Variants in KIAA1217 observed in about 807,000 individuals in gnomAD.
KIAA1217 encodes sickle tail protein homolog.
In KIAA1217, 88 loss-of-function variants were observed where a neutral mutation model predicts 163.9. The ratio of observed to expected loss-of-function variants is 0.54; its 90% CI spans 0.45 to 0.64. The LOEUF (loss-of-function observed/expected upper bound fraction) is 0.64, where lower values mean the gene tolerates loss of function less well. KIAA1217 is among the 30% of genes least tolerant of loss of function. The pLI is 0.00. For missense variants in KIAA1217, 2,372 were observed against 2,475.0 expected, an observed-to-expected ratio of 0.96 and a Z score of 0.88; for synonymous variants, 903 against 923.1, an observed-to-expected ratio of 0.98 and a Z score of 0.39.
intron 1 of KIAA1217, among the ~76,000 whole-genome samples, chr10:24,211,575 GTATTGTATTGTATTGTATTT>G (rs1417904046): frequency 7.0e-6 from 1 of 142,064 alleles, no homozygotes. Flanking sequence ...GTATTGTATT[GTATTGTATTGTATTGTATTT>G]TATTTTATTT....
chr10:24,092,816 G>A (rs1450228114), intron 2 of KIAA1217, among the ~76,000 whole-genome samples: 4 of 151,618 alleles, frequency 2.6e-5, no homozygotes, highest in African/African-American at 4.9e-5. Flanking sequence ...TTTGTATCAT[G>A]GCTGTGATGG....
chr10:23,950,390 CATTTTTTTTTT>C (rs1220763167), intron 1 of KIAA1217, among the ~76,000 whole-genome samples: 2 of 151,204 alleles, frequency 1.3e-5, no homozygotes, highest in African/African-American at 4.9e-5. Context: ...TCAATCACAT[CATTTTTTTTTT>C]ATTTTTTTCC....
chr10:24,060,939 G>T (rs2060700592), intron 2 of KIAA1217, among the ~76,000 whole-genome samples: 1 of 152,178 alleles, frequency 6.6e-6, no homozygotes, highest in African/African-American at 2.4e-5. Flanking sequence ...TTCTGTATAA[G>T]TATTTGGTTC....
At chr10:24,091,756 G>A (rs755016137) in intron 2 of KIAA1217, among the ~76,000 whole-genome samples, 15 of 151,822 alleles carry the variant, frequency 9.9e-5, no homozygotes, top group East Asian at 9.7e-4. Flanking sequence ...ATGCTTCACC[G>A]CTGCTAGGCA....
In KIAA1217 at chr10:24,156,007, T is replaced by C. The variant is rs185045881; in HGVS notation, c.-170-63619T>C. On this transcript the variant is annotated intron_variant, in intron 2 of 18. Coordinates refer to the KIAA1217 transcript ENST00000376462. ...TATTTGAAGTATAAATGCACACATT[T>C]ATACCTTTAGTAACTGCACACATTT... 3.2e-3 allele frequency among the ~76,000 whole-genome samples: 482 copies of C among 152,306 alleles called. 1 individual carries two copies. Among genetic ancestry groups the C allele is most frequent in the African/African-American group, 0.011 (451 of 41,566 alleles).
chr10:24,299,079 A>T (rs1237489341), intron 2 of KIAA1217, among the ~76,000 whole-genome samples: 1 of 152,212 alleles, frequency 6.6e-6, no homozygotes, highest in Non-Finnish European at 1.5e-5. Context: ...AAAAAATGTT[A>T]CAAATTGTAA....
chr10:24,489,758 G>C (rs1461920664), intron 6 of KIAA1217, among the ~76,000 whole-genome samples: 4 of 150,924 alleles, frequency 2.7e-5, no homozygotes, highest in African/African-American at 9.8e-5. Flanking sequence ...CAGCTACTTG[G>C]GGGGCTGAGG....
At chr10:24,505,817 G>C (rs1019614193) in intron 9 of KIAA1217, among the ~76,000 whole-genome samples, 1 of 152,092 alleles carries the variant, frequency 6.6e-6, no homozygotes, top group South Asian at 2.1e-4. Context: ...GTAGTGCATA[G>C]AGCCCTATGT....
intron 1 of KIAA1217, among the ~76,000 whole-genome samples, chr10:23,714,138 A>T (rs1310279344): frequency 6.6e-6 from 1 of 151,980 alleles, no homozygotes; most frequent in African/African-American, 2.4e-5. Context: ...ATATCCAATC[A>T]GTTGCTAAGA....
intron 2 of KIAA1217, among the ~76,000 whole-genome samples, chr10:24,036,719 C>T (rs1366483033): frequency 2.0e-5 from 3 of 152,034 alleles, no homozygotes; most frequent in East Asian, 1.9e-4. Context: ...CCAGATCTCA[C>T]GTGGACTAAT....
chr10:24,250,073 G>C (rs1041227372), intron 2 of KIAA1217, among the ~76,000 whole-genome samples: 7 of 152,178 alleles, frequency 4.6e-5, no homozygotes, highest in African/African-American at 9.7e-5. Flanking sequence ...GCTGCTGCTT[G>C]TTGGCAATAC....
At chr10:24,510,284 A>T (rs541876300) in intron 9 of KIAA1217, among the ~76,000 whole-genome samples, 1 of 152,314 alleles carries the variant, frequency 6.6e-6, no homozygotes, top group Admixed American at 6.5e-5. Context: ...TGAATTTTAA[A>T]TATTCCACCA....
At chr10:23,931,026 G>A (rs759548325) in intron 1 of KIAA1217, among the ~76,000 whole-genome samples, 9 of 152,074 alleles carry the variant, frequency 5.9e-5, no homozygotes, top group Non-Finnish European at 1.3e-4. Context: ...ATTGAATGTA[G>A]CAACAGAATA....
At chr10:24,493,767 G>C (rs767366429) in intron 6 of KIAA1217, among the ~76,000 whole-genome samples, 62 of 152,082 alleles carry the variant, frequency 4.1e-4, no homozygotes, top group Admixed American at 1.2e-3. Context: ...CAAATAAATG[G>C]GTTGTTTTGT....
intron 1 of KIAA1217, among the ~76,000 whole-genome samples, chr10:23,790,543 G>GTATATGTACATATATA: frequency 2.0e-5 from 2 of 99,580 alleles, no homozygotes; most frequent in South Asian, 2.8e-4. Context: ...ATATACATGT[G>GTATATGTACATATATA]CATATATACA....
At position 24,368,892 on chromosome 10, in the gene KIAA1217, G is replaced by A. The variant is rs117827572; in HGVS notation, c.355-11977G>A. On this transcript the variant is annotated intron_variant, in intron 2 of 20. Transcript: ENST00000376454. ...CATCTTTTATAATTTACCAATTGCT[G>A]TCCCATGCAACATTTTTCCAATTAC... is the stretch of plus-strand genomic sequence containing the variant. 9,012 of 977,736 alleles carry A rather than the reference G, an allele frequency of 9.2e-3. 54 individuals carry two copies. Among genetic ancestry groups the A allele is most frequent in the Non-Finnish European group, 9.8e-3 (8,092 of 823,142 alleles). 60.6% of individuals were successfully genotyped at this position (977,736 alleles called of 1,614,324 possible).
At position 24,492,487 on chromosome 10, in the gene KIAA1217, CAGAG is replaced by C. The variant is rs1318411934; in HGVS notation, c.1680-2009_1680-2006del. On this transcript the variant is annotated intron_variant, in intron 6 of 20. Transcript: ENST00000376454. ...ATTTCTTATTTCCATTCTATTACAG[CAGAG>C]AGACCATACTATTAATACTTAAAAT... Among the ~76,000 whole-genome samples, 3 of 152,286 alleles carry C rather than the reference CAGAG, an allele frequency of 2.0e-5. No individual in the cohort carries two copies. In the East Asian group the frequency reaches 5.8e-4, roughly 29 times the overall value.
intron 1 of KIAA1217, among the ~76,000 whole-genome samples, chr10:23,983,080 A>C (rs1444045644): frequency 3.3e-5 from 5 of 151,894 alleles, no homozygotes; most frequent in African/African-American, 4.8e-5. Flanking sequence ...TATGCATGGC[A>C]GATCAGAGGT....
intron 1 of KIAA1217, among the ~76,000 whole-genome samples, chr10:23,913,953 G>A (rs968905495): frequency 6.6e-6 from 1 of 152,108 alleles, no homozygotes; most frequent in Admixed American, 6.6e-5. Flanking sequence ...CATGTACCTG[G>A]ACCCTCCCTG....
Sources: gnomAD v4.1 joint callset for allele counts (sites outside exome capture counted in the v4.1 genomes callset) on GRCh38, gnomAD v4.1.1 for gene constraint, MANE v1.5 for transcripts, NCBI Gene and HGNC (gene_info 2026-07-23, HGNC 2026-07-21) for gene names.